Variants in MAP3K15 observed in about 807,000 individuals in gnomAD.
The protein encoded by MAP3K15 is MAPK/ERK kinase kinase 15.
Under a neutral mutation model 99.5 loss-of-function variants are expected in MAP3K15, and 124 were observed. The observed-to-expected ratio is 1.25, with a 90% CI of 1.08 to 1.45. MAP3K15 has a LOEUF of 1.45. Ranked by LOEUF, MAP3K15 falls within the 40% of genes most tolerant of loss-of-function variation. MAP3K15 has a pLI of 0.00. For synonymous variants in MAP3K15, 494 were observed against 439.6 expected, an observed-to-expected ratio of 1.12 and a Z score of -1.55; for missense variants, 1,242 against 1,079.7, an observed-to-expected ratio of 1.15 and a Z score of -2.11.
At chrX:19,428,497 G>A (rs2063850896) in intron 7 of MAP3K15, among the ~76,000 whole-genome samples, 1 of 111,389 alleles carries the variant, frequency 9.0e-6, no homozygotes, top group South Asian at 3.8e-4. Context: ...AAGAAAATGA[G>A]GTCATTATGT....
intron 18 of MAP3K15, among the ~76,000 whole-genome samples, chrX:19,390,303 CTTTTTT>C (rs869140702): frequency 1.4e-5 from 1 of 69,395 alleles, no homozygotes; most frequent in Admixed American, 1.6e-4. Flanking sequence ...CTAATTTTTT[CTTTTTT>C]TTTTTTTTTT....
intron 6 of MAP3K15, among the ~76,000 whole-genome samples, chrX:19,441,552 C>T (rs1037739697): frequency 9.0e-6 from 1 of 111,698 alleles, no homozygotes; most frequent in Non-Finnish European, 1.9e-5. Context: ...CTCACTGCAT[C>T]CTCCGACTCC....
At chrX:19,499,813 T>C (rs908164642) in intron 1 of MAP3K15, among the ~76,000 whole-genome samples, 2 of 111,998 alleles carry the variant, frequency 1.8e-5, no homozygotes, top group African/African-American at 6.5e-5. Context: ...AGAGGGGACA[T>C]GATGGAACTT....
chrX:19,444,404 A>C (rs149348167), intron 6 of MAP3K15, among the ~76,000 whole-genome samples: 331 of 111,804 alleles, frequency 3.0e-3, no homozygotes, highest in African/African-American at 9.9e-3. Flanking sequence ...GATTCTCCTG[A>C]GCTGCTGTGA....
At chrX:19,381,354 C>A (rs908578401) in intron 18 of MAP3K15, among the ~76,000 whole-genome samples, 7 of 111,856 alleles carry the variant, frequency 6.3e-5, no homozygotes, top group African/African-American at 2.3e-4. Flanking sequence ...GGGAGAGCAG[C>A]CCGGAGAGGG....
At chrX:19,472,851 C>G (rs747918501) in intron 3 of MAP3K15, among the ~76,000 whole-genome samples, 1 of 111,877 alleles carries the variant, frequency 8.9e-6, no homozygotes, top group African/African-American at 3.2e-5. Flanking sequence ...CTAGTCCTCC[C>G]AAATATTACA....
intron 6 of MAP3K15, among the ~76,000 whole-genome samples, chrX:19,438,399 C>A (rs1260134347): frequency 1.8e-5 from 2 of 112,213 alleles, no homozygotes; most frequent in Non-Finnish European, 3.8e-5. Context: ...TGAGCCAACA[C>A]ATCTATTACT....
At chrX:19,373,479 C>T (rs1325338147) in intron 21 of MAP3K15, 57 bp downstream of exon 21, 13 of 1,142,150 alleles carry the variant, frequency 1.1e-5, no homozygotes, top group Admixed American at 5.3e-5. Context: ...TGCCCTGTGG[C>T]GGAGGACTAC....
intron 12 of MAP3K15, 121 bp from the exon 13 acceptor site, chrX:19,407,404 AC>A (rs2063656021): frequency 2.5e-6 from 1 of 395,337 alleles, no homozygotes; most frequent in Non-Finnish European, 4.3e-6. Context: ...TTAAACAAAC[AC>A]CCCCCGAGTC....
At chrX:19,418,498 A>C (rs897649555) in intron 9 of MAP3K15, among the ~76,000 whole-genome samples, 4 of 111,624 alleles carry the variant, frequency 3.6e-5, no homozygotes, top group African/African-American at 1.3e-4. Flanking sequence ...AAAAAGAATA[A>C]AAATAAACGA....
At chrX:19,425,035 C>G (rs1033704795) in intron 9 of MAP3K15, among the ~76,000 whole-genome samples, 2 of 111,189 alleles carry the variant, frequency 1.8e-5, no homozygotes, top group African/African-American at 6.5e-5. Context: ...ACTGGCTTTT[C>G]TTACTCTACA....
chrX:19,438,272 TTTTA>T (rs755502580), intron 6 of MAP3K15, among the ~76,000 whole-genome samples: 1 of 110,983 alleles, frequency 9.0e-6, no homozygotes, highest in South Asian at 3.9e-4. Flanking sequence ...TAGCTTTTAT[TTTTA>T]TTTATTTATT....
chrX:19,398,073 A>T (rs1431370099), intron 15 of MAP3K15, among the ~76,000 whole-genome samples, 153 bp downstream of exon 15: 1 of 110,496 alleles, frequency 9.1e-6, no homozygotes, highest in African/African-American at 3.3e-5. Context: ...CAAAAAAAAA[A>T]AAAAAAAAAA....
chrX:19,374,917 G>A (rs765088440), intron 19 of MAP3K15, among the ~76,000 whole-genome samples: 1 of 111,611 alleles, frequency 9.0e-6, no homozygotes, highest in East Asian at 2.8e-4. Flanking sequence ...CGGGCCTTAA[G>A]AGGTCTTGTG....
At chrX:19,512,467 G>A (rs1251679230) in intron 1 of MAP3K15, among the ~76,000 whole-genome samples, 5 of 110,786 alleles carry the variant, frequency 4.5e-5, no homozygotes, top group East Asian at 2.8e-4. Flanking sequence ...TTGTGCCTAC[G>A]GAGCATGCAT....
rs374369173 is a variant in MAP3K15 at position 19,424,857 on chromosome X, G to C, written c.1439+674C>G. 1.7e-4 allele frequency among the ~76,000 whole-genome samples: 18 copies of C among 103,780 alleles called. No individual in the cohort carries two copies. The East Asian group carries it at 2.1e-3, about 12-fold the overall frequency. 90.1% of individuals were successfully genotyped at this position (103,780 alleles called of 115,157 possible). Reference sequence around the variant, plus strand: ...ACACTGGGTCTCACTCTATTACCCAGTCTGGTCTCAAGCTACTGGGCTCAA... The same window carrying C: ...ACACTGGGTCTCACTCTATTACCCACTCTGGTCTCAAGCTACTGGGCTCAA... On this transcript the variant is annotated intron_variant, in intron 9 of 28. Transcript: ENST00000338883.
At chrX:19,465,584 TAAAA>T (rs1355164035) in intron 3 of MAP3K15, among the ~76,000 whole-genome samples, 1 of 82,800 alleles carries the variant, frequency 1.2e-5, no homozygotes. Flanking sequence ...CATCTCTACT[TAAAA>T]AAAAAAAAAA....
At chrX:19,478,233 CTGAGA>C (rs1391965998) in intron 3 of MAP3K15, among the ~76,000 whole-genome samples, 2 of 77,981 alleles carry the variant, frequency 2.6e-5, no homozygotes, top group Non-Finnish European at 4.7e-5. Context: ...AAAGAACCAA[CTGAGA>C]TTTTTACATA....
chrX:19,442,587 G>A (rs2063966789), intron 6 of MAP3K15, among the ~76,000 whole-genome samples: 1 of 104,309 alleles, frequency 9.6e-6, no homozygotes, highest in Non-Finnish European at 2.0e-5. Context: ...ACAGTGGTGC[G>A]ATCTCGACTC....
Sources: allele counts gnomAD v4.1 joint callset (sites outside exome capture counted in the v4.1 genomes callset), GRCh38; gene constraint gnomAD v4.1.1; transcripts MANE v1.5; gene names NCBI Gene and HGNC (gene_info 2026-07-23, HGNC 2026-07-21).